The following EFCAB7 variants were observed in gnomAD, a reference collection of about 807,000 sequenced individuals.
The protein encoded by EFCAB7 is EF-hand calcium-binding domain-containing protein 7.
Under a neutral mutation model 77.1 loss-of-function variants are expected in EFCAB7, and 66 were observed. That is an observed-to-expected ratio of 0.86 (90% CI 0.70 to 1.05). The LOEUF is 1.05. EFCAB7 is among the 50% of genes least tolerant of loss of function. EFCAB7 has a pLI of 0.00. For missense variants in EFCAB7, 638 were observed against 730.5 expected, an observed-to-expected ratio of 0.87 and a Z score of 1.46; for synonymous variants, 225 against 243.3, an observed-to-expected ratio of 0.92 and a Z score of 0.70.
the EFCAB7 span, among the ~76,000 whole-genome samples, chr1:63,579,820 A>G: frequency 6.6e-6 from 1 of 152,198 alleles, no homozygotes; most frequent in Non-Finnish European, 1.5e-5. Context: ...AACTTTTCAT[A>G]GGCTTGTCAT....
rs917632546 is a variant in EFCAB7, at chr1:63,547,238, T to C, written c.946+1181T>C. The C allele has an allele frequency of 2.5e-4, 38 of 152,348 alleles. 1 individual carries two copies. Among genetic ancestry groups the C allele is most frequent in the African/African-American group, 8.9e-4 (37 of 41,578 alleles). 9.4% of individuals were successfully genotyped at this position (152,348 alleles called of 1,614,324 possible). A position where few individuals can be genotyped will look rare whatever the true frequency, so the allele number is the denominator to read the frequency against. The stretch of plus-strand genomic sequence containing the variant: ...TTCTCTGTATTCTTATTAACAAGAT[T>C]CCTTTATTCATTTATTTATCAAATA... On this transcript the variant is annotated intron_variant, in intron 7 of 13. Coordinates refer to ENST00000371088, the MANE Select transcript of EFCAB7 (RefSeq NM_032437.4).
chr1:63,567,377 C>T (rs12071585), intron 11 of EFCAB7, among the ~76,000 whole-genome samples: 18,075 of 151,820 alleles, frequency 0.12, 1,388 homozygotes, highest in East Asian at 0.38. Flanking sequence ...CACTTGAACC[C>T]GGGAAGCAGA....
At chr1:63,538,470 T>C (rs1211953950) in intron 6 of EFCAB7, among the ~76,000 whole-genome samples, 2 of 152,158 alleles carry the variant, frequency 1.3e-5, no homozygotes, top group East Asian at 3.8e-4. Context: ...TCTTTTTTTT[T>C]TGAGATGGAG....
intron 11 of EFCAB7, among the ~76,000 whole-genome samples, chr1:63,566,156 C>A (rs1308766493): frequency 6.6e-6 from 1 of 152,182 alleles, no homozygotes; most frequent in Non-Finnish European, 1.5e-5. Flanking sequence ...CCATGGGATA[C>A]TATACAGCCA....
At position 63,561,851 on chromosome 1, in the gene EFCAB7, G is replaced by T; in HGVS notation, c.1491G>T (p.Leu497Phe). The change falls in exon 11 of 14, where the codon TTG (leucine) becomes TTT (phenylalanine). Residue 497 changes from leucine (L) to phenylalanine (F), a missense_variant. Transcript: ENST00000371088. ...TGGGCTACAATAAAGCTCTGGAGTT[G>T]ACAGAGGTAAAGTATTCTTAAACTT... is the stretch of plus-strand genomic sequence containing the variant. ...HSMGYNKALELTEACPFVIDI... is the reference protein window; with the variant it reads ...HSMGYNKALEFTEACPFVIDI... 1 of 1,569,306 alleles carries T rather than the reference G, an allele frequency of 6.4e-7. No homozygotes were observed.
chr1:63,573,805 G>A (rs1347987937), downstream of EFCAB7, among the ~76,000 whole-genome samples: 1 of 152,174 alleles, frequency 6.6e-6, no homozygotes, highest in Non-Finnish European at 1.5e-5. Context: ...TGAATTCTGA[G>A]AAGGGAAAGT....
rs1646893253 is a variant in EFCAB7 at position 63,545,962 on chromosome 1, A to G, written c.851A>G (p.Asp284Gly). ...AAAGGTTGCTTCTTCTTAGAAGAAG[A>G]TGGTGAAATCATTAGTCATCAGTAC... ...QSKGCFFLEEDGEIISHQYRM... is the reference protein window; with the variant it reads ...QSKGCFFLEEGGEIISHQYRM... The change falls in exon 7 of 14, where the codon GAT becomes GGT. Residue 284 changes from aspartate to glycine, a missense_variant. Asp to Gly is a moderately conservative substitution (Grantham distance 94, BLOSUM62 -1). Transcript: ENST00000371088. 2 of 1,613,840 alleles carry G rather than the reference A, an allele frequency of 1.2e-6. No individual in the cohort carries two copies. The highest frequency in any genetic ancestry group is 1.7e-6 in the Non-Finnish European group (2 of 1,179,824).
rs781221854 is a variant in EFCAB7, at chr1:63,533,559, G to A, written c.592G>A (p.Glu198Lys). 13 of 1,612,870 alleles carry A rather than the reference G, an allele frequency of 8.1e-6. No individual in the cohort carries two copies. Among genetic ancestry groups the A allele is most frequent in the South Asian group, 4.4e-5 (4 of 90,938 alleles). Reference protein sequence around the residue: ...LMRHQFGNHIEGSPERDPSPV... With the variant: ...LMRHQFGNHIKGSPERDPSPV... ...GCGTCACCAGTTTGGAAACCACATC[G>A]AAGGGTCCCCTGAAAGGGACCCATC... The change falls in exon 5 of 14, where the codon GAA becomes AAA. Residue 198 changes from glutamate to lysine, a missense_variant. By Grantham distance (56) the Glu-to-Lys change is moderately conservative (BLOSUM62 1). Transcript: ENST00000371088.
chr1:63,545,304 C>A (rs1646883911), intron 6 of EFCAB7, among the ~76,000 whole-genome samples: 1 of 152,094 alleles, frequency 6.6e-6, no homozygotes, highest in African/African-American at 2.4e-5. Flanking sequence ...TGATATAATT[C>A]ATCAGTTGCA....
At chr1:63,561,659 G>A in intron 10 of EFCAB7, 50 bp from the exon 11 acceptor site, 5 of 1,217,232 alleles carry the variant, frequency 4.1e-6, no homozygotes, top group Non-Finnish European at 5.6e-6. Context: ...TTTTATTAAA[G>A]TTATGAATTT....
chr1:63,560,669 G>A lies in EFCAB7; in HGVS notation c.1349-1040G>A, dbSNP rs189894650. 7.8e-3 allele frequency among the ~76,000 whole-genome samples: 1,187 copies of A among 151,966 alleles called. 13 individuals carry two copies. The highest frequency in any genetic ancestry group is 0.026 in the African/African-American group (1,073 of 41,484). On this transcript the variant is annotated intron_variant, in intron 10 of 13. Transcript: ENST00000371088. The stretch of plus-strand genomic sequence containing the variant: ...TGGCTGGGACTACAGGTGCATGCCA[G>A]CATGCCGGGCTAATTTTATTTTTTG...
intron 11 of EFCAB7, among the ~76,000 whole-genome samples, chr1:63,562,445 TTATTTATATA>T (rs1174706130): frequency 0.062 from 4,388 of 70,816 alleles, 340 homozygotes; most frequent in Admixed American, 0.18. Flanking sequence ...CCTTCTTAAT[TTATTTATATA>T]TATATATATA....
At chr1:63,583,213 ACT>A in the EFCAB7 span, among the ~76,000 whole-genome samples, 5 of 151,982 alleles carry the variant, frequency 3.3e-5, no homozygotes, top group Non-Finnish European at 5.9e-5. Flanking sequence ...GGGATAACAA[ACT>A]CTACCATTTT....
intron 9 of EFCAB7, 72 bp downstream of exon 9, chr1:63,555,587 C>G: frequency 7.6e-7 from 1 of 1,324,346 alleles, no homozygotes; most frequent in South Asian, 1.6e-5. Context: ...GTGTTACTCC[C>G]TTTGGCCAGC....
the EFCAB7 span, among the ~76,000 whole-genome samples, chr1:63,581,469 G>T: frequency 0.76 from 114,305 of 150,858 alleles, 43,901 homozygotes; most frequent in African/African-American, 0.87. Context: ...GTATGGTTGG[G>T]TTTTCTTCTT....
chr1:63,555,197 G>A, intron 8 of EFCAB7, 161 bp from the exon 9 acceptor site: 1 of 727,384 alleles, frequency 1.4e-6, no homozygotes, highest in Non-Finnish European at 2.1e-6. Flanking sequence ...AAAAGAATTT[G>A]AAACCTGTAA....
intron 1 of EFCAB7, among the ~76,000 whole-genome samples, chr1:63,524,407 C>T (rs1032224276): frequency 3.3e-5 from 5 of 152,116 alleles, no homozygotes; most frequent in African/African-American, 1.2e-4. Flanking sequence ...AGGCAGGCGG[C>T]CTGCGTATTA....
chr1:63,579,998 T>C, the EFCAB7 span, among the ~76,000 whole-genome samples: 1 of 152,318 alleles, frequency 6.6e-6, no homozygotes, highest in East Asian at 1.9e-4. Context: ...TTGAAAGTAT[T>C]TTCTTCTCTT....
At chr1:63,537,390 C>T (rs1646775901) in intron 6 of EFCAB7, among the ~76,000 whole-genome samples, 1 of 152,142 alleles carries the variant, frequency 6.6e-6, no homozygotes, top group Admixed American at 6.5e-5. Flanking sequence ...CATATGCACA[C>T]ACATCACACA....
Sources: gnomAD v4.1 joint callset for allele counts (sites outside exome capture counted in the v4.1 genomes callset) on GRCh38, gnomAD v4.1.1 for gene constraint, MANE v1.5 for transcripts, NCBI Gene and HGNC (gene_info 2026-07-23, HGNC 2026-07-21) for gene names.